The following STX17 variants were observed in gnomAD, a reference collection of about 807,000 sequenced individuals.
STX17 encodes the protein syntaxin 17.
A neutral mutation model predicts 35.9 loss-of-function variants in STX17; 29 were observed. The observed-to-expected ratio is 0.81, with a 90% CI of 0.60 to 1.10. The LOEUF (loss-of-function observed/expected upper bound fraction) is 1.10, where lower values mean the gene tolerates loss of function less well. Ranked by LOEUF, STX17 falls within the 50% of genes least tolerant of loss-of-function variation. The pLI, the probability that STX17 is intolerant of heterozygous loss-of-function variation, is 0.00. For synonymous variants in STX17, 92 were observed against 118.3 expected, an observed-to-expected ratio of 0.78 and a Z score of 1.44; for missense variants, 312 against 352.3, an observed-to-expected ratio of 0.89 and a Z score of 0.92.
In STX17 at chr9:99,915,188, A is replaced by T; in HGVS notation, c.-52A>T. Reference sequence around the variant, plus strand: ...ATATTTTTCTTTTAGGTTTTTCTATATGAGTGGAGAAGACAGCTGTTACCA... The same window carrying T: ...ATATTTTTCTTTTAGGTTTTTCTATTTGAGTGGAGAAGACAGCTGTTACCA... On this transcript the variant is annotated 5_prime_UTR_variant, in exon 2 of 8. An upstream start codon of the reference 5' UTR is lost. Transcript: ENST00000259400. The T allele has an allele frequency of 6.5e-7, 1 of 1,541,104 alleles. No individual in the cohort carries two copies. The highest frequency in any genetic ancestry group is 8.7e-7 in the Non-Finnish European group (1 of 1,148,276).
chr9:99,970,378 A>C lies in STX17; in HGVS notation c.*1705A>C, dbSNP rs1486568120. 6.6e-6 allele frequency: 1 copy of C among 152,198 alleles called. No individual in the cohort carries two copies. The highest frequency in any genetic ancestry group is 1.5e-5 in the Non-Finnish European group (1 of 68,038). The allele number at this position is 152,198 out of a possible 1,614,324, so 9.4% of individuals were successfully genotyped here. Reference sequence around the variant, plus strand: ...TGCTGCTTTATATCATTAACATATTAATAATACCAAGAAGGAAATACTTTG... The same window carrying C: ...TGCTGCTTTATATCATTAACATATTCATAATACCAAGAAGGAAATACTTTG... On this transcript the variant is annotated 3_prime_UTR_variant, in exon 8 of 8. Coordinates refer to ENST00000259400, the MANE Select transcript of STX17 (RefSeq NM_017919.3).
chr9:99,933,630 T>C (rs1564064516), intron 3 of STX17, among the ~76,000 whole-genome samples: 4 of 152,166 alleles, frequency 2.6e-5, no homozygotes, highest in South Asian at 4.1e-4. Flanking sequence ...TTGTACTTTC[T>C]AAAGATACCC....
chr9:99,932,892 C>CATTATTA, intron 3 of STX17, among the ~76,000 whole-genome samples: 1 of 152,182 alleles, frequency 6.6e-6, no homozygotes, highest in South Asian at 2.1e-4. Flanking sequence ...ATTAGATTTA[C>CATTATTA]GTAGTAAGAG....
intron 3 of STX17, among the ~76,000 whole-genome samples, chr9:99,942,509 C>T (rs951431547): frequency 1.3e-5 from 2 of 151,934 alleles, no homozygotes; most frequent in African/African-American, 4.8e-5. Context: ...TTTTTAGAGA[C>T]GGGGTCTCCT....
At position 99,970,240 on chromosome 9, in the gene STX17, T is replaced by G. The variant is rs1829996152; in HGVS notation, c.*1567T>G. ...TATTGATGGCTACCTTTCATGTCCC[T>G]GTCTAAAGAGACTTTCTCTTTCATA... On this transcript the variant is annotated 3_prime_UTR_variant, in exon 8 of 8. Transcript: ENST00000259400. The G allele has an allele frequency of 6.6e-6, 1 of 152,248 alleles. No individual in the cohort carries two copies. Among genetic ancestry groups the G allele is most frequent in the South Asian group, 2.1e-4 (1 of 4,838 alleles). The allele number at this position is 152,248 out of a possible 1,614,324, so 9.4% of individuals were successfully genotyped here. A position where few individuals can be genotyped will look rare whatever the true frequency, so the allele number is the denominator to read the frequency against.
In STX17 at chr9:99,951,137, A is replaced by T; in HGVS notation, c.267A>T (p.Arg89Ser). Residue 89 changes from arginine to serine, a missense_variant, in exon 4 of 8, where the codon AGA becomes AGT. Physicochemically the swap from Arg to Ser is moderately radical, Grantham distance 110. Coordinates refer to ENST00000259400, the MANE Select transcript of STX17 (RefSeq NM_017919.3). ...AGGATGACCTAGTACTTCTGAAGAG[A>T]ATGATAGATCCTGTTAAAGAAGAAG... ...VRKDDLVLLK[R>S]MIDPVKEEAS... The T allele has an allele frequency of 6.2e-7, 1 of 1,613,076 alleles. No individual in the cohort carries two copies. Among genetic ancestry groups the T allele is most frequent in the Non-Finnish European group, 8.5e-7 (1 of 1,179,210 alleles).
At chr9:99,926,683 A>G (rs1220529891) in intron 2 of STX17, among the ~76,000 whole-genome samples, 1 of 152,092 alleles carries the variant, frequency 6.6e-6, no homozygotes, top group African/African-American at 2.4e-5. Flanking sequence ...TATTTTTAGT[A>G]GAGACGGGGT....
chr9:99,936,745 A>G (rs1258986629), intron 3 of STX17, among the ~76,000 whole-genome samples: 1 of 152,164 alleles, frequency 6.6e-6, no homozygotes, highest in Non-Finnish European at 1.5e-5. Context: ...TGTTGTTCTC[A>G]TATATTTAAC....
intron 7 of STX17, among the ~76,000 whole-genome samples, chr9:99,968,006 G>A (rs912989220): frequency 6.6e-6 from 1 of 152,128 alleles, no homozygotes; most frequent in Non-Finnish European, 1.5e-5. Flanking sequence ...ATTTGCAGAG[G>A]GTAAAAGTGT....
At chr9:99,957,386 G>C (rs2118507998) in intron 4 of STX17, among the ~76,000 whole-genome samples, 1 of 152,102 alleles carries the variant, frequency 6.6e-6, no homozygotes, top group Admixed American at 6.5e-5. Flanking sequence ...TGTATGTCTG[G>C]CTCTTCTAAA....
intron 2 of STX17, among the ~76,000 whole-genome samples, chr9:99,918,289 T>G (rs1828818251): frequency 6.6e-6 from 1 of 152,036 alleles, no homozygotes; most frequent in Non-Finnish European, 1.5e-5. Context: ...TCTACCATGT[T>G]CAGCTAATTT....
chr9:99,950,668 G>T (rs1024173239), intron 3 of STX17, among the ~76,000 whole-genome samples: 1 of 151,900 alleles, frequency 6.6e-6, no homozygotes, highest in African/African-American at 2.4e-5. Context: ...AATAAAAAGG[G>T]AGAAGCCTTA....
In STX17 at chr9:99,915,171, C is replaced by A; in HGVS notation, c.-62-7C>A. On this transcript the variant is annotated splice_region_variant and splice_polypyrimidine_tract_variant and intron_variant, in intron 1 of 7. Transcript: ENST00000259400. Reference sequence around the variant, plus strand: ...AAAACATTCTTAAAGAAATATTTTTCTTTTAGGTTTTTCTATATGAGTGGA... The same window carrying A: ...AAAACATTCTTAAAGAAATATTTTTATTTTAGGTTTTTCTATATGAGTGGA... The A allele has an allele frequency of 1.4e-6, 2 of 1,460,048 alleles. No homozygotes were observed. Among genetic ancestry groups the A allele is most frequent in the Non-Finnish European group, 1.8e-6 (2 of 1,100,220 alleles). 90.4% of individuals were successfully genotyped at this position (1,460,048 alleles called of 1,614,324 possible).
intron 3 of STX17, among the ~76,000 whole-genome samples, chr9:99,931,172 G>C (rs1158787939): frequency 6.6e-6 from 1 of 152,066 alleles, no homozygotes. Flanking sequence ...GTAGAAACGG[G>C]GTTTCACCAT....
chr9:99,968,458 C>G lies in STX17; in HGVS notation c.694C>G (p.Leu232Val). The G allele has an allele frequency of 6.5e-7, 1 of 1,540,012 alleles. No individual in the cohort carries two copies. The highest frequency in any genetic ancestry group is 1.4e-5 in the African/African-American group (1 of 71,364). Reference sequence around the variant, plus strand: ...GGCTGCAAAATACAAGCTGGCAGCTCTGCCTGTGGCAGGTGCACTCATCGG... The same window carrying G: ...GGCTGCAAAATACAAGCTGGCAGCTGTGCCTGTGGCAGGTGCACTCATCGG... ...GKAAKYKLAA[L>V]PVAGALIGGM... The change falls in exon 8 of 8, where the codon CTG (leucine) becomes GTG (valine). Residue 232 changes from leucine to valine, a missense_variant. By Grantham distance (32) the Leu-to-Val change is conservative. Transcript: ENST00000259400.
chr9:99,915,483 T>G (rs531197241), intron 2 of STX17, 121 bp downstream of exon 2: 2 of 1,222,938 alleles, frequency 1.6e-6, no homozygotes, highest in East Asian at 5.3e-5. Flanking sequence ...TAGCTCCTAT[T>G]GATTTAGCAA....
At chr9:99,935,329 CAAAA>C (rs35032937) in intron 3 of STX17, among the ~76,000 whole-genome samples, 9 of 101,170 alleles carry the variant, frequency 8.9e-5, no homozygotes, top group Admixed American at 1.1e-4. Context: ...CACTCCATCT[CAAAA>C]AAAAAAAAAA....
intron 2 of STX17, among the ~76,000 whole-genome samples, chr9:99,920,581 C>T (rs1282672555): frequency 4.6e-5 from 7 of 152,130 alleles, no homozygotes. Context: ...TTGTTTGCAA[C>T]CCAAAGCATA....
chr9:99,913,026 C>G (rs1197535832), intron 1 of STX17, among the ~76,000 whole-genome samples: 1 of 152,128 alleles, frequency 6.6e-6, no homozygotes, highest in Non-Finnish European at 1.5e-5. Flanking sequence ...CCAACTCTCT[C>G]AGCACTTTGA....
Sources: gnomAD v4.1 joint callset for allele counts (sites outside exome capture counted in the v4.1 genomes callset) on GRCh38, gnomAD v4.1.1 for gene constraint, MANE v1.5 for transcripts, NCBI Gene and HGNC (gene_info 2026-07-23, HGNC 2026-07-21) for gene names.